Variants in NRXN3 observed in about 807,000 individuals in gnomAD.
The protein encoded by NRXN3 is neurexin III.
In NRXN3, 32 loss-of-function variants were observed where a neutral mutation model predicts 137.6. The observed-to-expected ratio is 0.23, with a 90% CI of 0.18 to 0.31. The LOEUF (loss-of-function observed/expected upper bound fraction) is 0.31. Among genes scored for constraint, NRXN3 ranks in the 10% least tolerant of loss-of-function variants. The pLI is 1.00. For synonymous variants in NRXN3, 798 were observed against 784.5 expected (o/e 1.02, Z -0.29); for missense variants, 1,574 against 2,062.5 (o/e 0.76, Z 4.59).
intron 6 of NRXN3, among the ~76,000 whole-genome samples, chr14:78,669,063 C>T (rs2097912435): frequency 1.3e-5 from 2 of 151,782 alleles, no homozygotes; most frequent in Non-Finnish European, 2.9e-5. Flanking sequence ...GAGCACTTAG[C>T]CTGATCTGAG....
chr14:79,046,688 A>G (rs557983273), intron 15 of NRXN3, among the ~76,000 whole-genome samples: 1 of 152,300 alleles, frequency 6.6e-6, no homozygotes, highest in African/African-American at 2.4e-5. Context: ...CAAGCTACTT[A>G]ACTCTCTAAG....
chr14:79,189,539 TAA>T (rs992937209), intron 15 of NRXN3, among the ~76,000 whole-genome samples: 1 of 134,938 alleles, frequency 7.4e-6, no homozygotes, highest in Admixed American at 7.7e-5. Context: ...AAGTATAATT[TAA>T]AAAAAAAAAA....
At chr14:78,761,036 G>A (rs1017951733) in intron 8 of NRXN3, among the ~76,000 whole-genome samples, 5 of 152,130 alleles carry the variant, frequency 3.3e-5, no homozygotes, top group Non-Finnish European at 7.3e-5. Flanking sequence ...GTAAATTGAG[G>A]TATTTCGATG....
chr14:79,022,089 A>G (rs143637127), intron 15 of NRXN3, among the ~76,000 whole-genome samples: 54 of 152,308 alleles, frequency 3.5e-4, no homozygotes, highest in Middle Eastern at 3.4e-3. Flanking sequence ...TTCTTCTTTT[A>G]TTACTATAGG....
At chr14:78,627,676 T>C (rs949228579) in intron 4 of NRXN3, among the ~76,000 whole-genome samples, 2 of 152,246 alleles carry the variant, frequency 1.3e-5, no homozygotes, top group African/African-American at 4.8e-5. Flanking sequence ...AATGAACTTA[T>C]ATAAAAATCA....
chr14:79,433,988 C>T (rs2095804250), intron 15 of NRXN3, among the ~76,000 whole-genome samples: 1 of 152,126 alleles, frequency 6.6e-6, no homozygotes, highest in Non-Finnish European at 1.5e-5. Flanking sequence ...ACCTTAGACC[C>T]ACTGAATAAG....
At chr14:79,317,840 C>G (rs1174209401) in intron 15 of NRXN3, among the ~76,000 whole-genome samples, 1 of 152,098 alleles carries the variant, frequency 6.6e-6, no homozygotes, top group Admixed American at 6.6e-5. Context: ...TAATACATGT[C>G]TACGTGTTAA....
At chr14:79,666,342 G>T (rs933018654) in intron 17 of NRXN3, among the ~76,000 whole-genome samples, 2 of 152,100 alleles carry the variant, frequency 1.3e-5, no homozygotes, top group African/African-American at 4.8e-5. Context: ...TTGACCACAT[G>T]TATAATGCTG....
chr14:78,211,515 T>C (rs2062738680), intron 1 of NRXN3, among the ~76,000 whole-genome samples: 1 of 152,210 alleles, frequency 6.6e-6, no homozygotes, highest in African/African-American at 2.4e-5. Flanking sequence ...AGCTGAGCCT[T>C]GCATCAGGAA....
intron 8 of NRXN3, among the ~76,000 whole-genome samples, chr14:78,718,783 TA>T (rs1442000875): frequency 6.6e-6 from 1 of 152,250 alleles, no homozygotes; most frequent in Non-Finnish European, 1.5e-5. Context: ...TAGCTCTAAT[TA>T]TTTTTGTTGG....
chr14:78,999,348 G>A (rs184223605), intron 15 of NRXN3, among the ~76,000 whole-genome samples: 9 of 152,266 alleles, frequency 5.9e-5, no homozygotes, highest in Admixed American at 3.3e-4. Flanking sequence ...AAAAAAACAT[G>A]CTTAATTTCA....
At chr14:78,738,950 G>T (rs987580514) in intron 8 of NRXN3, among the ~76,000 whole-genome samples, 5 of 152,192 alleles carry the variant, frequency 3.3e-5, no homozygotes, top group African/African-American at 1.2e-4. Flanking sequence ...GTAGCAAAGT[G>T]AAAGCTCTGT....
chr14:78,379,462 T>G (rs2088617210), intron 4 of NRXN3, among the ~76,000 whole-genome samples: 1 of 152,198 alleles, frequency 6.6e-6, no homozygotes, highest in Non-Finnish European at 1.5e-5. Flanking sequence ...TGGCTCAGCA[T>G]TCAAAAATTG....
chr14:78,928,555 GTT>G (rs1226699443), intron 10 of NRXN3, among the ~76,000 whole-genome samples: 1 of 151,998 alleles, frequency 6.6e-6, no homozygotes, highest in East Asian at 1.9e-4. Flanking sequence ...GCGGTGTTTG[GTT>G]TTTTGTCCTT....
chr14:78,730,112 C>G (rs551201157), intron 8 of NRXN3, among the ~76,000 whole-genome samples: 1 of 152,108 alleles, frequency 6.6e-6, no homozygotes, highest in Non-Finnish European at 1.5e-5. Context: ...AGCAACTATT[C>G]CTGTAACTCA....
intron 16 of NRXN3, among the ~76,000 whole-genome samples, chr14:79,499,559 G>A (rs1244694887): frequency 2.0e-5 from 3 of 152,116 alleles, no homozygotes; most frequent in Non-Finnish European, 4.4e-5. Context: ...AAGTATCAAG[G>A]GGAAAAGGAA....
rs2099396306 is a variant in NRXN3, at chr14:79,853,525, T to A, written c.4094-7817T>A. 3.0e-6 allele frequency: 4 copies of A among 1,346,326 alleles called. No individual in the cohort carries two copies. The Admixed American group carries it at 7.7e-5, about 26-fold the overall frequency. 83.4% of individuals were successfully genotyped at this position (1,346,326 alleles called of 1,614,324 possible). On this transcript the variant is annotated intron_variant, in intron 20 of 20. Transcript: ENST00000335750. ...CTCATTTGTTTTTGTATATTGCCCA[T>A]CCCTTCCTTACAGCCAGAAGCTCTA...
At chr14:79,546,364 T>C (rs987381586) in intron 16 of NRXN3, among the ~76,000 whole-genome samples, 2 of 152,206 alleles carry the variant, frequency 1.3e-5, no homozygotes, top group Admixed American at 6.5e-5. Flanking sequence ...ATGATGTTAC[T>C]ACTTCCTAAA....
chr14:79,557,425 G>T (rs2097441556), intron 16 of NRXN3, among the ~76,000 whole-genome samples: 1 of 152,052 alleles, frequency 6.6e-6, no homozygotes, highest in Admixed American at 6.6e-5. Flanking sequence ...ACTTGAAAAT[G>T]CTACCTTTCA....
Sources: gnomAD v4.1 joint callset for allele counts (sites outside exome capture counted in the v4.1 genomes callset) on GRCh38, gnomAD v4.1.1 for gene constraint, MANE v1.5 for transcripts, NCBI Gene and HGNC (gene_info 2026-07-23, HGNC 2026-07-21) for gene names.